The following KTN1 variants were observed in gnomAD, a reference collection of about 807,000 sequenced individuals.
The protein encoded by KTN1 is kinectin.
A neutral mutation model predicts 222.5 loss-of-function variants in KTN1; 130 were observed. The observed-to-expected ratio is 0.58, with a 90% confidence interval of 0.51 to 0.68. KTN1 has a LOEUF of 0.68. KTN1 is among the 30% of genes least tolerant of loss of function. KTN1 has a pLI of 0.00. For synonymous variants in KTN1, 512 were observed against 496.3 expected, an observed-to-expected ratio of 1.03 and a Z score of -0.42; for missense variants, 1,508 against 1,500.4, an observed-to-expected ratio of 1.01 and a Z score of -0.08.
chr14:55,587,147 A>G (rs28558467), intron 1 of KTN1, among the ~76,000 whole-genome samples: 3,649 of 152,240 alleles, frequency 0.024, 98 homozygotes, highest in African/African-American at 0.065. Context: ...ACACCTAGCT[A>G]GTGCTCAATT....
chr14:55,660,097 T>C (rs1351067020), intron 31 of KTN1, among the ~76,000 whole-genome samples: 1 of 152,174 alleles, frequency 6.6e-6, no homozygotes, highest in Admixed American at 6.5e-5. Context: ...AAAGAAATTT[T>C]AGGATAGATG....
chr14:55,678,656 C>A, intron 42 of KTN1: 1 of 479,498 alleles, frequency 2.1e-6, no homozygotes, highest in Non-Finnish European at 3.8e-6. Flanking sequence ...AGCGGGGGTC[C>A]CCAATTCCTG....
intron 2 of KTN1, 25 bp from the exon 3 acceptor site, chr14:55,616,491 AT>A (rs745876939): frequency 9.1e-5 from 140 of 1,545,668 alleles, no homozygotes; most frequent in South Asian, 2.0e-4. Context: ...TGCCACAATT[AT>A]TTTTTTTGTT....
rs138871292 is a variant in KTN1, at chr14:55,598,748, A to G, written c.-30-13271A>G. On this transcript the variant is annotated intron_variant, in intron 1 of 43. Transcript: ENST00000395314. Reference sequence around the variant, plus strand: ...CTATTGCTAAGTACTATGTAAGTCTAAATTTTTCGGTACTCTTTTCTGTAT... The same window carrying G: ...CTATTGCTAAGTACTATGTAAGTCTGAATTTTTCGGTACTCTTTTCTGTAT... 3.2e-3 allele frequency among the ~76,000 whole-genome samples: 492 copies of G among 152,344 alleles called. 3 individuals are homozygous for G. The highest frequency in any genetic ancestry group is 7.8e-3 in the African/African-American group (326 of 41,582).
intron 40 of KTN1, 82 bp downstream of exon 40, chr14:55,673,337 T>C (rs2045613366): frequency 1.2e-6 from 1 of 816,954 alleles, no homozygotes; most frequent in Admixed American, 2.5e-5. Context: ...CCAGGCTTTT[T>C]TTTCTTTGCT....
At chr14:55,656,300 AT>A in intron 29 of KTN1, 168 bp downstream of exon 29, 1 of 584,664 alleles carries the variant, frequency 1.7e-6, no homozygotes, top group South Asian at 2.4e-5. Flanking sequence ...CATGCATAAA[AT>A]GTGTGTATGT....
At chr14:55,621,603 A>G (rs897548924) in intron 5 of KTN1, among the ~76,000 whole-genome samples, 1 of 152,140 alleles carries the variant, frequency 6.6e-6, no homozygotes, top group African/African-American at 2.4e-5. Context: ...TGTGAGACTT[A>G]TTCACGACCA....
intron 1 of KTN1, among the ~76,000 whole-genome samples, chr14:55,596,154 C>CAA (rs71448460): frequency 5.6e-4 from 34 of 61,094 alleles, no homozygotes; most frequent in South Asian, 1.3e-3. Context: ...GACTCAATAG[C>CAA]AAAAAAAAAA....
chr14:55,601,786 A>C (rs2036010994), intron 1 of KTN1: 1 of 151,818 alleles, frequency 6.6e-6, no homozygotes. Context: ...CCCAGGCTGG[A>C]GTGCAGTGGT....
In KTN1 at chr14:55,663,358, C is replaced by T. The variant is rs369574446; in HGVS notation, c.3091-597C>T. On this transcript the variant is annotated intron_variant, in intron 32 of 43. Transcript: ENST00000395314. ...GAGAATCTATTTTATAGCCTTCCAG[C>T]CTTCCCCTTTGCTTTGATCAACTAG... 3 of 177,328 alleles carry T rather than the reference C, an allele frequency of 1.7e-5. No homozygotes were observed. In the East Asian group the frequency reaches 4.5e-4, roughly 27 times the overall value. 11.0% of individuals were successfully genotyped at this position (177,328 alleles called of 1,614,324 possible).
chr14:55,675,861 C>T lies in KTN1; in HGVS notation c.3798C>T (p.Leu1266=), dbSNP rs1391375531. The change falls in exon 41 of 44, where the codon CTC becomes CTT. Residue 1266 remains leucine (L), a synonymous_variant. Transcript: ENST00000395314. ...NLLKAQLNET[L]TKLRTEQNER... ...TGAAGGCACAGTTAAATGAAACACT[C>T]ACAAAACTTAGAACTGAACAAAATG... is the stretch of plus-strand genomic sequence containing the variant. 6.8e-6 allele frequency: 11 copies of T among 1,612,528 alleles called. No homozygotes were observed. Among genetic ancestry groups the T allele is most frequent in the Non-Finnish European group, 9.3e-6 (11 of 1,178,842 alleles).
At chr14:55,586,315 C>G (rs1414209729) in intron 1 of KTN1, among the ~76,000 whole-genome samples, 3 of 152,130 alleles carry the variant, frequency 2.0e-5, no homozygotes, top group Non-Finnish European at 4.4e-5. Context: ...ATTAACCTGC[C>G]TAAGGCTCAT....
At chr14:55,638,414 G>A (rs929957389) in intron 12 of KTN1, among the ~76,000 whole-genome samples, 6 of 151,870 alleles carry the variant, frequency 4.0e-5, no homozygotes, top group Non-Finnish European at 7.4e-5. Context: ...TGAATTTTGA[G>A]CTTCAGTTTT....
intron 29 of KTN1, among the ~76,000 whole-genome samples, chr14:55,657,349 A>G (rs368480454): frequency 2.0e-5 from 3 of 148,522 alleles, no homozygotes; most frequent in East Asian, 1.9e-4. Context: ...AGCCATTTTT[A>G]TATGAATTGT....
rs114208646 is a variant in KTN1 at position 55,633,360 on chromosome 14, T to A, written c.1328+19T>A. 2.2e-3 allele frequency: 3,027 copies of A among 1,347,546 alleles called. 45 individuals are homozygous for A. Among genetic ancestry groups the A allele is most frequent in the South Asian group, 0.019 (1,263 of 67,384 alleles). The allele number at this position is 1,347,546 out of a possible 1,614,324, so 83.5% of individuals were successfully genotyped here. On this transcript the variant is annotated intron_variant, in intron 8 of 43. Transcript: ENST00000395314. Reference sequence around the variant, plus strand: ...AAAGCAAGTATGTTTCCAAATACCTTATTTTTTAATTGAATGGCAGAGTAT... The same window carrying A: ...AAAGCAAGTATGTTTCCAAATACCTAATTTTTTAATTGAATGGCAGAGTAT...
At chr14:55,594,768 C>T (rs2034741876) in intron 1 of KTN1, among the ~76,000 whole-genome samples, 1 of 151,984 alleles carries the variant, frequency 6.6e-6, no homozygotes, top group South Asian at 2.1e-4. Context: ...TAGGTATAAA[C>T]AAGTTGAAAG....
At chr14:55,631,341 G>GAGATATATATATATATATAT (rs71448461) in intron 7 of KTN1, among the ~76,000 whole-genome samples, 6 of 114,708 alleles carry the variant, frequency 5.2e-5, no homozygotes, top group Admixed American at 9.3e-5. Flanking sequence ...TGATAAGGTT[G>GAGATATATATATATATATAT]ATATATATAT....
intron 1 of KTN1, among the ~76,000 whole-genome samples, chr14:55,583,474 T>TA (rs1381063320): frequency 6.6e-6 from 1 of 152,210 alleles, no homozygotes; most frequent in African/African-American, 2.4e-5. Context: ...ACAGGGAGAT[T>TA]AAGAACTCTT....
intron 1 of KTN1, among the ~76,000 whole-genome samples, chr14:55,581,688 C>T (rs2031683456): frequency 6.6e-6 from 1 of 152,156 alleles, no homozygotes; most frequent in African/African-American, 2.4e-5. Flanking sequence ...CATTTGTTTT[C>T]CTTAGCTTAC....
Sources: gnomAD v4.1 joint callset for allele counts (sites outside exome capture counted in the v4.1 genomes callset) on GRCh38, gnomAD v4.1.1 for gene constraint, MANE v1.5 for transcripts, NCBI Gene and HGNC (gene_info 2026-07-23, HGNC 2026-07-21) for gene names.